The following PAFAH2 variants were observed in gnomAD, a reference collection of about 807,000 sequenced individuals.
The protein encoded by PAFAH2 is platelet-activating factor acetylhydrolase 2, cytoplasmic.
A neutral mutation model predicts 49.0 loss-of-function variants in PAFAH2; 42 were observed. The ratio of observed to expected loss-of-function variants is 0.86; its 90% CI spans 0.67 to 1.11. The LOEUF is 1.11. Among genes scored for constraint, PAFAH2 ranks in the 50% least tolerant of loss-of-function variants. The probability of loss-of-function intolerance (pLI) is 0.00; values close to 1 mark genes in which losing one functional copy is unlikely to be tolerated. For missense variants in PAFAH2, 503 were observed against 501.8 expected (o/e 1.00, Z -0.02); for synonymous variants, 184 against 181.3 (o/e 1.01, Z -0.12).
intron 10 of PAFAH2, among the ~76,000 whole-genome samples, chr1:25,963,557 T>A (rs531385106): frequency 6.6e-6 from 1 of 152,064 alleles, no homozygotes; most frequent in Admixed American, 6.6e-5. Flanking sequence ...CAGGCTGGAG[T>A]GCAGTGGTCA....
chr1:25,989,866 A>G (rs533932869), intron 2 of PAFAH2, among the ~76,000 whole-genome samples: 3 of 152,236 alleles, frequency 2.0e-5, no homozygotes, highest in Non-Finnish European at 4.4e-5. Flanking sequence ...AAAATATTTG[A>G]GTGCTTGGGA....
chr1:25,977,764 T>C (rs1398135879), intron 7 of PAFAH2, among the ~76,000 whole-genome samples: 1 of 151,718 alleles, frequency 6.6e-6, no homozygotes, highest in East Asian at 1.9e-4. Context: ...ACCTCCATCC[T>C]CTAGAATCTC....
intron 10 of PAFAH2, among the ~76,000 whole-genome samples, chr1:25,967,435 A>C (rs1450931506): frequency 6.6e-6 from 1 of 152,182 alleles, no homozygotes; most frequent in Non-Finnish European, 1.5e-5. Flanking sequence ...AGGTCCAGGC[A>C]CTGGGCCCCG....
At chr1:25,987,734 T>A (rs79985094) in intron 4 of PAFAH2, among the ~76,000 whole-genome samples, 1,649 of 146,806 alleles carry the variant, frequency 0.011, 33 homozygotes, top group African/African-American at 0.039. Flanking sequence ...AAAAAAAATT[T>A]AAAAATAGCC....
At chr1:25,993,400 C>T (rs1439885401) in intron 1 of PAFAH2, among the ~76,000 whole-genome samples, 5 of 152,122 alleles carry the variant, frequency 3.3e-5, no homozygotes, top group South Asian at 2.1e-4. Context: ...CGTACATACA[C>T]GTGCTTTACC....
At chr1:25,969,792 G>T (rs1449666383) in intron 10 of PAFAH2, among the ~76,000 whole-genome samples, 1 of 152,120 alleles carries the variant, frequency 6.6e-6, no homozygotes, top group African/African-American at 2.4e-5. Context: ...GCCATGGTGG[G>T]CTTCCCATCA....
At chr1:25,985,367 C>T (rs917475455) in intron 4 of PAFAH2, among the ~76,000 whole-genome samples, 3 of 152,192 alleles carry the variant, frequency 2.0e-5, no homozygotes, top group Admixed American at 2.0e-4. Context: ...ACCATAGGTC[C>T]ATGACCCATG....
chr1:25,997,654 G>C (rs953041244), intron 1 of PAFAH2: 1 of 152,420 alleles, frequency 6.6e-6, no homozygotes, highest in Non-Finnish European at 1.5e-5. Context: ...AAAACTGAGA[G>C]TAAGAGTAAA....
At chr1:25,980,979 C>T (rs745903778) in intron 7 of PAFAH2, among the ~76,000 whole-genome samples, 2 of 151,964 alleles carry the variant, frequency 1.3e-5, no homozygotes, top group Non-Finnish European at 2.9e-5. Flanking sequence ...CAGAGTGAGG[C>T]CCTGTCTCAA....
At position 25,960,773 on chromosome 1, in the gene PAFAH2, G is replaced by A. The variant is rs979609156; in HGVS notation, c.*1216C>T. The A allele has an allele frequency of 4.0e-5, 6 of 149,040 alleles. No individual in the cohort carries two copies. The highest frequency in any genetic ancestry group is 2.2e-4 in the South Asian group (1 of 4,636). The allele number at this position is 149,040 out of a possible 1,614,324, so 9.2% of individuals were successfully genotyped here. A position where few individuals can be genotyped will look rare whatever the true frequency, so the allele number is the denominator to read the frequency against. ...GGCCTCTCTGGGAGTGGCCTTCTGC[G>A]TTTTTAAATTTTATTTATTTTAAAT... On this transcript the variant is annotated 3_prime_UTR_variant, in exon 11 of 11. Transcript: ENST00000374282.
intron 5 of PAFAH2, 32 bp from the exon 6 acceptor site, chr1:25,984,119 GA>G: frequency 6.2e-7 from 1 of 1,612,452 alleles, no homozygotes; most frequent in Non-Finnish European, 8.5e-7. Flanking sequence ...AGAGAAACCA[GA>G]AAACATTCTT....
At chr1:25,962,826 A>G (rs1353268209) in intron 10 of PAFAH2, among the ~76,000 whole-genome samples, 2 of 151,988 alleles carry the variant, frequency 1.3e-5, no homozygotes, top group Non-Finnish European at 1.5e-5. Flanking sequence ...TCTCAGAAAA[A>G]AAAAAAAAAA....
At chr1:25,986,369 C>T (rs944800932) in intron 4 of PAFAH2, among the ~76,000 whole-genome samples, 3 of 152,002 alleles carry the variant, frequency 2.0e-5, no homozygotes, top group East Asian at 3.9e-4. Flanking sequence ...ATGAAGACAG[C>T]GAGGGAGGAA....
chr1:25,990,071 C>T (rs1010254643), intron 2 of PAFAH2, among the ~76,000 whole-genome samples: 1 of 151,994 alleles, frequency 6.6e-6, no homozygotes. Context: ...GTGTGCCTCT[C>T]AAGGGAGACA....
chr1:25,970,066 G>A (rs1369692321), intron 10 of PAFAH2, among the ~76,000 whole-genome samples: 1 of 152,190 alleles, frequency 6.6e-6, no homozygotes, highest in East Asian at 1.9e-4. Flanking sequence ...GTCAATAAAT[G>A]CGTAAGACAG....
In PAFAH2 at chr1:25,982,363, C is replaced by A. The variant is rs1464727203; in HGVS notation, c.666+1G>T. ...CTAGGTCATACCAATTGCTTCCATA[C>A]CTTCAAAGTCATCAGATCCAAGCCA... On this transcript the variant is annotated splice_donor_variant, in intron 7 of 10. Transcript: ENST00000374282. LOFTEE classifies it high-confidence loss of function. 2.5e-6 allele frequency: 4 copies of A among 1,610,162 alleles called. No individual in the cohort carries two copies. The African/African-American group carries it at 5.3e-5, about 22-fold the overall frequency.
chr1:25,976,168 G>A (rs1374580969), intron 8 of PAFAH2, among the ~76,000 whole-genome samples: 2 of 152,052 alleles, frequency 1.3e-5, no homozygotes, highest in Non-Finnish European at 2.9e-5. Flanking sequence ...TTTTGAGACA[G>A]GATCTTGCTC....
At chr1:25,981,119 C>T (rs2049681986) in intron 7 of PAFAH2, among the ~76,000 whole-genome samples, 1 of 151,870 alleles carries the variant, frequency 6.6e-6, no homozygotes, top group African/African-American at 2.4e-5. Context: ...TTAAATCATG[C>T]CATACAAAAA....
intron 4 of PAFAH2, among the ~76,000 whole-genome samples, chr1:25,987,084 A>C (rs2049792649): frequency 6.6e-6 from 1 of 151,274 alleles, no homozygotes; most frequent in African/African-American, 2.4e-5. Flanking sequence ...TCTCTACAAA[A>C]ATTAGCTGGA....
Sources: gnomAD v4.1 joint callset for allele counts (sites outside exome capture counted in the v4.1 genomes callset) on GRCh38, gnomAD v4.1.1 for gene constraint, MANE v1.5 for transcripts, NCBI Gene and HGNC (gene_info 2026-07-23, HGNC 2026-07-21) for gene names.